Variants in STYX observed in about 807,000 individuals in gnomAD.
The protein encoded by STYX is serine/threonine/tyrosine-interacting protein.
A neutral mutation model predicts 42.7 loss-of-function variants in STYX; 20 were observed. The observed-to-expected ratio is 0.47, with a 90% CI of 0.33 to 0.68. STYX has a LOEUF of 0.68. Ranked by LOEUF, STYX falls within the 30% of genes least tolerant of loss-of-function variation. STYX has a pLI of 0.02. For synonymous variants in STYX, 78 were observed against 81.9 expected, an observed-to-expected ratio of 0.95 and a Z score of 0.26; for missense variants, 226 against 268.5, an observed-to-expected ratio of 0.84 and a Z score of 1.11.
intron 5 of STYX, among the ~76,000 whole-genome samples, chr14:52,756,962 C>G (rs894982030): frequency 3.3e-5 from 5 of 152,100 alleles, no homozygotes; most frequent in Admixed American, 1.3e-4. Context: ...GCTGGCATTA[C>G]AGGCGTGAGC....
chr14:52,732,482 C>A (rs1178660621), intron 1 of STYX, among the ~76,000 whole-genome samples: 1 of 151,598 alleles, frequency 6.6e-6, no homozygotes, highest in African/African-American at 2.4e-5. Context: ...ACCATGTTGG[C>A]CAGGATGGTC....
At chr14:52,752,879 GTTGTTTTTTTT>G (rs1053061523) in intron 4 of STYX, among the ~76,000 whole-genome samples, 10 of 116,718 alleles carry the variant, frequency 8.6e-5, no homozygotes, top group African/African-American at 3.2e-4. Context: ...TTTTGTTGTT[GTTGTTTTTTTT>G]TTTTTTTTGA....
At chr14:52,733,637 G>A (rs1006666672) in intron 1 of STYX, among the ~76,000 whole-genome samples, 3 of 152,140 alleles carry the variant, frequency 2.0e-5, no homozygotes, top group Non-Finnish European at 2.9e-5. Flanking sequence ...ACATTTACGG[G>A]TTTATTATAA....
chr14:52,730,233 A>G lies in STYX; in HGVS notation c.-242A>G, dbSNP rs1038677694. ...GGGGTACGGAGACTCTGGGGGAGGG[A>G]GACGGCAGCGGCATGGCGGCCGGGT... is the stretch of plus-strand genomic sequence containing the variant. On this transcript the variant is annotated 5_prime_UTR_variant, in exon 1 of 11. Transcript: ENST00000354586. The G allele has an allele frequency of 7.1e-6, 4 of 564,632 alleles. No individual in the cohort carries two copies. The East Asian group carries it at 1.2e-4, about 17-fold the overall frequency. 35.0% of individuals were successfully genotyped at this position (564,632 alleles called of 1,614,324 possible). A position where few individuals can be genotyped will look rare whatever the true frequency, so the allele number is the denominator to read the frequency against.
chr14:52,771,066 A>G lies in STYX; in HGVS notation c.632A>G (p.Asp211Gly). The G allele has an allele frequency of 1.2e-6, 2 of 1,613,118 alleles. No individual in the cohort carries two copies. Among genetic ancestry groups the G allele is most frequent in the Non-Finnish European group, 8.5e-7 (1 of 1,179,274 alleles). ...SLKRTHEEED[D>G]FGTMQVATAQ... ...AAGAGAACACATGAAGAAGAGGATG[A>G]TTTTGGAACCATGCAAGTGGCGACT... Residue 211 changes from aspartate (D) to glycine (G), a missense_variant, in exon 11 of 11, where the codon GAT (aspartate) becomes GGT (glycine). Asp to Gly is a moderately conservative substitution (Grantham distance 94, BLOSUM62 -1). Transcript: ENST00000354586.
In STYX at chr14:52,771,159, CA is replaced by C; in HGVS notation, c.*55del. On this transcript the variant is annotated 3_prime_UTR_variant, in exon 11 of 11. Coordinates refer to ENST00000354586, the MANE Select transcript of STYX (RefSeq NM_145251.4). ...ATTTCTATTTGGGAAGGAGAAAATA[CA>C]AGAGAAAATTATAATGTAAAATGGT... The C allele has an allele frequency of 4.0e-6, 6 of 1,482,528 alleles. No individual in the cohort carries two copies. In the East Asian group the frequency reaches 9.3e-5, roughly 23 times the overall value. 91.8% of individuals were successfully genotyped at this position (1,482,528 alleles called of 1,614,324 possible).
intron 9 of STYX, among the ~76,000 whole-genome samples, chr14:52,766,444 C>T (rs1369197937): frequency 2.6e-5 from 4 of 152,030 alleles, no homozygotes; most frequent in African/African-American, 4.8e-5. Flanking sequence ...GCTGGGATTA[C>T]GACGTGAGAC....
Position 52,773,809 on chromosome 14 carries a change from G to A in STYX, c.*2703G>A, listed in dbSNP as rs1882615220. The stretch of plus-strand genomic sequence containing the variant: ...CTGTGATTCTTTTATTACCACTGAT[G>A]TTTTGTGATAGTTAACTATGATAAA... On this transcript the variant is annotated 3_prime_UTR_variant, in exon 11 of 11. Coordinates refer to ENST00000354586, the MANE Select transcript of STYX (RefSeq NM_145251.4). 6.6e-6 allele frequency: 1 copy of A among 151,990 alleles called. No individual in the cohort carries two copies. The highest frequency in any genetic ancestry group is 2.4e-5 in the African/African-American group (1 of 41,386). The allele number at this position is 151,990 out of a possible 1,614,324, so 9.4% of individuals were successfully genotyped here.
At chr14:52,746,274 GA>G (rs200217897) in intron 2 of STYX, 151 bp from the exon 3 acceptor site, 13,623 of 439,034 alleles carry the variant, frequency 0.031, 2 homozygotes, top group Middle Eastern at 0.046. Flanking sequence ...ATTTTTTAAA[GA>G]AAAAAAAAAA....
intron 9 of STYX, among the ~76,000 whole-genome samples, chr14:52,764,651 A>G (rs372167149): frequency 1.2e-4 from 12 of 96,718 alleles, no homozygotes; most frequent in African/African-American, 1.9e-4. Flanking sequence ...TTAAGGTTTT[A>G]TTTATTTACT....
chr14:52,736,735 C>T (rs1880969415), intron 1 of STYX, among the ~76,000 whole-genome samples: 1 of 152,134 alleles, frequency 6.6e-6, no homozygotes. Context: ...ACCCTACCAG[C>T]ACCTATTGTA....
intron 1 of STYX, among the ~76,000 whole-genome samples, chr14:52,737,791 G>GT (rs1566668822): frequency 6.6e-6 from 1 of 152,072 alleles, no homozygotes; most frequent in South Asian, 2.1e-4. Flanking sequence ...GACAGGCAGG[G>GT]TTTTTTTGTT....
At chr14:52,731,964 T>G (rs867826802) in intron 1 of STYX, among the ~76,000 whole-genome samples, 17 of 129,492 alleles carry the variant, frequency 1.3e-4, no homozygotes, top group East Asian at 4.5e-4. Context: ...TTTTTTTTTT[T>G]GTAGCGATGG....
chr14:52,756,081 C>T (rs145238826), intron 4 of STYX, among the ~76,000 whole-genome samples: 2,992 of 151,852 alleles, frequency 0.02, 57 homozygotes, highest in Non-Finnish European at 0.025. Context: ...GTGCAGTGGC[C>T]CAATCACAGC....
intron 9 of STYX, among the ~76,000 whole-genome samples, chr14:52,761,688 C>T (rs1320199389): frequency 1.3e-5 from 2 of 150,158 alleles, no homozygotes; most frequent in Non-Finnish European, 3.0e-5. Flanking sequence ...CCTGCCTCAG[C>T]CTCCCAAGTA....
chr14:52,773,208 C>T lies in STYX; in HGVS notation c.*2102C>T, dbSNP rs1882580985. 2 of 151,980 alleles carry T rather than the reference C, an allele frequency of 1.3e-5. No homozygotes were observed. The highest frequency in any genetic ancestry group is 4.2e-4 in the South Asian group (2 of 4,818). 9.4% of individuals were successfully genotyped at this position (151,980 alleles called of 1,614,324 possible). ...GCTGGTAATTTTCCACATTTTCTATCCACTGTAATTTTTATGTTGTCACTG... is the reference window on the plus strand; with the variant it reads ...GCTGGTAATTTTCCACATTTTCTATTCACTGTAATTTTTATGTTGTCACTG... On this transcript the variant is annotated 3_prime_UTR_variant, in exon 11 of 11. Transcript: ENST00000354586.
intron 1 of STYX, among the ~76,000 whole-genome samples, chr14:52,732,680 A>T (rs188563181): frequency 0.017 from 2,604 of 151,408 alleles, 76 homozygotes; most frequent in African/African-American, 0.06. Flanking sequence ...TTATTTATTT[A>T]TTTTTTTGAG....
chr14:52,740,743 T>C (rs1881155219), intron 1 of STYX, among the ~76,000 whole-genome samples: 1 of 152,236 alleles, frequency 6.6e-6, no homozygotes, highest in African/African-American at 2.4e-5. Context: ...GTAATCTGTC[T>C]TTTGTCTAGT....
At chr14:52,731,630 T>C (rs1196310497) in intron 1 of STYX, 1 of 151,664 alleles carries the variant, frequency 6.6e-6, no homozygotes, top group Non-Finnish European at 1.5e-5. Flanking sequence ...GGGAGACGGG[T>C]TTCACCATTT....
Sources: gnomAD v4.1 joint callset for allele counts (sites outside exome capture counted in the v4.1 genomes callset) on GRCh38, gnomAD v4.1.1 for gene constraint, MANE v1.5 for transcripts, NCBI Gene and HGNC (gene_info 2026-07-23, HGNC 2026-07-21) for gene names.